The following RBMS1 variants were observed in gnomAD, a reference collection of about 807,000 sequenced individuals.
RBMS1 encodes RNA binding motif single stranded interacting protein 1, also known as RNA-binding motif, single-stranded-interacting protein 1.
A neutral mutation model predicts 62.3 loss-of-function variants in RBMS1; 17 were observed. The ratio of observed to expected loss-of-function variants is 0.27; its 90% CI spans 0.19 to 0.41. RBMS1 has a LOEUF of 0.41. RBMS1 is among the 10% of genes least tolerant of loss of function. RBMS1 has a pLI of 1.00. For missense variants in RBMS1, 334 were observed against 504.5 expected (o/e 0.66, Z 3.24); for synonymous variants, 172 against 170.0 (o/e 1.01, Z -0.09).
intron 2 of RBMS1, among the ~76,000 whole-genome samples, chr2:160,341,924 C>T (rs1691896334): frequency 6.6e-6 from 1 of 152,170 alleles, no homozygotes. Flanking sequence ...GTTTTGCAGT[C>T]TTAAAATGTG....
chr2:160,278,484 T>C (rs1687946180), intron 11 of RBMS1, 64 bp downstream of exon 11: 1 of 1,303,072 alleles, frequency 7.7e-7, no homozygotes, highest in South Asian at 1.2e-5. Context: ...ATAGGGAAGA[T>C]ACAGGCTGCA....
chr2:160,482,737 C>T (rs1685421686), intron 1 of RBMS1, among the ~76,000 whole-genome samples: 1 of 152,158 alleles, frequency 6.6e-6, no homozygotes, highest in Middle Eastern at 3.4e-3. Context: ...TACTGAAAAA[C>T]AAACAAAAAT....
In RBMS1 at chr2:160,272,311, C is replaced by A. The variant is rs1475434396; in HGVS notation, c.*2461G>T. On this transcript the variant is annotated 3_prime_UTR_variant, in exon 14 of 14. Transcript: ENST00000348849. ...TATCTTGAACCGGACAAATAAGTTA[C>A]CACTGGCAAGTCTGTGGCACTAGTA... 1 of 152,138 alleles carries A rather than the reference C, an allele frequency of 6.6e-6. No homozygotes were observed. The highest frequency in any genetic ancestry group is 1.9e-4 in the East Asian group (1 of 5,204). 9.4% of individuals were successfully genotyped at this position (152,138 alleles called of 1,614,324 possible).
chr2:160,326,594 G>A (rs1457743375), intron 2 of RBMS1, among the ~76,000 whole-genome samples: 1 of 152,130 alleles, frequency 6.6e-6, no homozygotes, highest in Non-Finnish European at 1.5e-5. Flanking sequence ...GGAGGATTTG[G>A]AACTGTAGAA....
intron 2 of RBMS1, among the ~76,000 whole-genome samples, chr2:160,345,304 G>C (rs1272605203): frequency 6.6e-6 from 1 of 152,072 alleles, no homozygotes; most frequent in African/African-American, 2.4e-5. Flanking sequence ...AAATAAAGGT[G>C]AGGGAGGAAA....
In RBMS1 at chr2:160,275,536, C is replaced by T. The variant is rs1574194373; in HGVS notation, c.*7+94G>A. 4 of 1,507,564 alleles carry T rather than the reference C, an allele frequency of 2.7e-6. No individual in the cohort carries two copies. The East Asian group carries it at 6.9e-5, about 26-fold the overall frequency. The allele number at this position is 1,507,564 out of a possible 1,614,324, so 93.4% of individuals were successfully genotyped here. A position where few individuals can be genotyped will look rare whatever the true frequency, so the allele number is the denominator to read the frequency against. ...CACGATTAAAGCAGTATGATAAAAT[C>T]CGAGTTATCCCAATCACCATTCTGA... On this transcript the variant is annotated intron_variant, in intron 13 of 13. Transcript: ENST00000348849.
chr2:160,320,587 G>A (rs910415389), intron 2 of RBMS1, among the ~76,000 whole-genome samples: 37 of 152,224 alleles, frequency 2.4e-4, no homozygotes, highest in Admixed American at 2.0e-3. Context: ...GTGAGTTCTT[G>A]CTCTATTAGT....
At chr2:160,305,967 T>C (rs1047060753) in intron 4 of RBMS1, among the ~76,000 whole-genome samples, 2 of 152,114 alleles carry the variant, frequency 1.3e-5, no homozygotes, top group African/African-American at 4.8e-5. Flanking sequence ...AGACCTCATC[T>C]CTTAAAAAAA....
intron 2 of RBMS1, among the ~76,000 whole-genome samples, chr2:160,336,273 C>T (rs1296680292): frequency 6.6e-6 from 1 of 152,154 alleles, no homozygotes; most frequent in African/African-American, 2.4e-5. Flanking sequence ...TGTATACAAA[C>T]ACTCTGTGGC....
At chr2:160,313,501 C>T (rs892418847) in intron 3 of RBMS1, among the ~76,000 whole-genome samples, 6 of 151,430 alleles carry the variant, frequency 4.0e-5, no homozygotes, top group Admixed American at 2.6e-4. Flanking sequence ...CAAGATCTTA[C>T]GTGTCTTGTA....
chr2:160,287,096 G>C lies in RBMS1; in HGVS notation c.641-12C>G, dbSNP rs1688439436. ...AGGTTCTGTGGGGGCTAAGTAAACA[G>C]AGAAAAATAAAATGAAACCACAATG... is the stretch of plus-strand genomic sequence containing the variant. On this transcript the variant is annotated splice_polypyrimidine_tract_variant and intron_variant, in intron 6 of 13. Coordinates refer to ENST00000348849, the MANE Select transcript of RBMS1 (RefSeq NM_016836.4). 1 of 1,613,648 alleles carries C rather than the reference G, an allele frequency of 6.2e-7. No individual in the cohort carries two copies. The highest frequency in any genetic ancestry group is 1.3e-5 in the African/African-American group (1 of 75,004).
chr2:160,326,294 C>G (rs930534568), intron 2 of RBMS1, among the ~76,000 whole-genome samples: 1 of 152,126 alleles, frequency 6.6e-6, no homozygotes, highest in Non-Finnish European at 1.5e-5. Context: ...AGATGCCACA[C>G]CTACCATTAA....
intron 1 of RBMS1, among the ~76,000 whole-genome samples, chr2:160,442,641 A>AT (rs1160727112): frequency 1.3e-5 from 2 of 152,160 alleles, no homozygotes; most frequent in Non-Finnish European, 2.9e-5. Flanking sequence ...GAGCTCAGAT[A>AT]TAAAAAGACT....
At chr2:160,374,784 G>C (rs1440144954) in intron 1 of RBMS1, among the ~76,000 whole-genome samples, 1 of 152,036 alleles carries the variant, frequency 6.6e-6, no homozygotes, top group Non-Finnish European at 1.5e-5. Context: ...GCAAAAATTA[G>C]CCAGGTGTGG....
chr2:160,395,114 A>G (rs1322703977), intron 1 of RBMS1, among the ~76,000 whole-genome samples: 1 of 152,246 alleles, frequency 6.6e-6, no homozygotes, highest in Non-Finnish European at 1.5e-5. Flanking sequence ...GAAGTCAGAC[A>G]AATATCTCCA....
chr2:160,345,260 T>A (rs536919519), intron 2 of RBMS1, among the ~76,000 whole-genome samples: 1 of 152,186 alleles, frequency 6.6e-6, no homozygotes, highest in African/African-American at 2.4e-5. Context: ...GACATTTTCA[T>A]ACCAGAAATG....
intron 1 of RBMS1, among the ~76,000 whole-genome samples, chr2:160,389,911 G>A (rs1214872001): frequency 2.0e-5 from 3 of 151,506 alleles, no homozygotes; most frequent in Non-Finnish European, 4.4e-5. Context: ...CTAAAGAGAG[G>A]CCCCTCTAAT....
Position 160,287,088 on chromosome 2 carries a change from A to G in RBMS1, c.641-4T>C, listed in dbSNP as rs376237806. ...CACAATAAAGGTTCTGTGGGGGCTAAGTAAACAGAGAAAAATAAAATGAAA... is the reference window on the plus strand; with the variant it reads ...CACAATAAAGGTTCTGTGGGGGCTAGGTAAACAGAGAAAAATAAAATGAAA... On this transcript the variant is annotated splice_region_variant and splice_polypyrimidine_tract_variant and intron_variant, in intron 6 of 13. Coordinates refer to ENST00000348849, the MANE Select transcript of RBMS1 (RefSeq NM_016836.4). 1.5e-4 allele frequency: 235 copies of G among 1,613,894 alleles called. No homozygotes were observed. Among genetic ancestry groups the G allele is most frequent in the Non-Finnish European group, 1.9e-4 (223 of 1,179,996 alleles).
intron 1 of RBMS1, among the ~76,000 whole-genome samples, chr2:160,425,796 C>T (rs2105277107): frequency 6.6e-6 from 1 of 152,316 alleles, no homozygotes; most frequent in Admixed American, 6.5e-5. Context: ...TAGGAGGCTG[C>T]TTTCTCAGGT....
Sources: gnomAD v4.1 joint callset for allele counts (sites outside exome capture counted in the v4.1 genomes callset) on GRCh38, gnomAD v4.1.1 for gene constraint, MANE v1.5 for transcripts, NCBI Gene and HGNC (gene_info 2026-07-23, HGNC 2026-07-21) for gene names.